The following TXNDC15 variants were observed in gnomAD, a reference collection of about 807,000 sequenced individuals.
The protein encoded by TXNDC15 is thioredoxin domain containing 15.
A neutral mutation model predicts 35.0 loss-of-function variants in TXNDC15; 24 were observed. The ratio of observed to expected loss-of-function variants is 0.68; its 90% CI spans 0.50 to 0.96. TXNDC15 has a LOEUF of 0.96. TXNDC15 is among the 40% of genes least tolerant of loss of function. The pLI is 0.00. For missense variants in TXNDC15, 385 were observed against 453.3 expected (o/e 0.85, Z 1.37); for synonymous variants, 169 against 174.0 (o/e 0.97, Z 0.23).
At chr5:134,888,961 A>C (rs1206638400) in intron 2 of TXNDC15, among the ~76,000 whole-genome samples, 1 of 152,220 alleles carries the variant, frequency 6.6e-6, no homozygotes. Flanking sequence ...TTCAGAAAAC[A>C]GAAGGGTAGG....
chr5:134,874,875 C>G (rs1463678331), intron 1 of TXNDC15, among the ~76,000 whole-genome samples: 1 of 152,230 alleles, frequency 6.6e-6, no homozygotes, highest in African/African-American at 2.4e-5. Context: ...TATCAAATAC[C>G]GACATTGTTG....
chr5:134,875,468 C>G, intron 1 of TXNDC15: 1 of 442,452 alleles, frequency 2.3e-6, no homozygotes, highest in Non-Finnish European at 4.5e-6. Context: ...CAGTGCTTTA[C>G]GAGCATCATC....
intron 1 of TXNDC15, among the ~76,000 whole-genome samples, chr5:134,884,158 T>C (rs1436283980): frequency 7.0e-6 from 1 of 142,920 alleles, no homozygotes; most frequent in Non-Finnish European, 1.5e-5. Flanking sequence ...AGGTGGAGGC[T>C]GCAGTGAGCT....
At chr5:134,875,870 A>G (rs1343963847) in intron 1 of TXNDC15, among the ~76,000 whole-genome samples, 1 of 151,906 alleles carries the variant, frequency 6.6e-6, no homozygotes, top group Non-Finnish European at 1.5e-5. Flanking sequence ...ATGGTCCACC[A>G]TGTTGGCCAC....
chr5:134,890,434 G>A (rs1281779218), intron 2 of TXNDC15, among the ~76,000 whole-genome samples: 3 of 147,390 alleles, frequency 2.0e-5, no homozygotes, highest in Admixed American at 6.8e-5. Context: ...TTGAGATGGA[G>A]TCTCACTCTG....
chr5:134,897,257 T>G (rs1750508369), intron 4 of TXNDC15, among the ~76,000 whole-genome samples: 1 of 151,370 alleles, frequency 6.6e-6, no homozygotes, highest in Non-Finnish European at 1.5e-5. Flanking sequence ...CTTTATTGTT[T>G]GATTGACTGA....
intron 4 of TXNDC15, 119 bp from the exon 5 acceptor site, chr5:134,899,370 C>T (rs1205045421): frequency 2.6e-6 from 2 of 764,702 alleles, no homozygotes; most frequent in Non-Finnish European, 2.1e-6. Flanking sequence ...TATATATATA[C>T]TAGTGGCAAT....
At chr5:134,893,234 G>A (rs1455637448) in intron 2 of TXNDC15, 3 of 397,328 alleles carry the variant, frequency 7.6e-6, no homozygotes, top group Non-Finnish European at 1.4e-5. Context: ...AAAGCGCAGA[G>A]GAAAGTTTAA....
chr5:134,893,767 C>G lies in TXNDC15; in HGVS notation c.755+112C>G, dbSNP rs893362326. 10 of 1,413,360 alleles carry G rather than the reference C, an allele frequency of 7.1e-6. No individual in the cohort carries two copies. In the Admixed American group the frequency reaches 1.3e-4, roughly 18 times the overall value. The allele number at this position is 1,413,360 out of a possible 1,614,324, so 87.6% of individuals were successfully genotyped here. ...GAAGAGGGGGGGCATGAACTGTGTCCTGGGATGGAAGGCAAGGCAAGAGTG... is the reference window on the plus strand; with the variant it reads ...GAAGAGGGGGGGCATGAACTGTGTCGTGGGATGGAAGGCAAGGCAAGAGTG... On this transcript the variant is annotated intron_variant, in intron 3 of 4. Transcript: ENST00000358387.
chr5:134,893,123 A>C (rs1750420828), intron 2 of TXNDC15: 1 of 159,886 alleles, frequency 6.3e-6, no homozygotes. Context: ...AAAAAATGCA[A>C]TGTCAGCAAA....
At chr5:134,881,706 A>G in intron 1 of TXNDC15, among the ~76,000 whole-genome samples, 1 of 145,936 alleles carries the variant, frequency 6.9e-6, no homozygotes, top group Admixed American at 6.8e-5. Flanking sequence ...TGTTGGGTAC[A>G]CCTCCCAGAC....
intron 1 of TXNDC15, among the ~76,000 whole-genome samples, chr5:134,880,757 CT>C (rs933052155): frequency 1.9e-4 from 29 of 150,908 alleles, no homozygotes; most frequent in African/African-American, 6.6e-4. Context: ...TCATTTTTTT[CT>C]TTTTTTTTGA....
intron 3 of TXNDC15, chr5:134,895,952 T>A (rs1369868528): frequency 5.4e-6 from 1 of 184,332 alleles, no homozygotes; most frequent in African/African-American, 2.4e-5. Flanking sequence ...TTGGAAATTT[T>A]TTCTGTCAAA....
chr5:134,893,574 G>A lies in TXNDC15; in HGVS notation c.674G>A (p.Ser225Asn). ...ACCCCGTGGTGCCGCTTTTCTGCCA[G>A]TTTGGCCCCTCACTTTAACTCTCTG... Reference protein sequence around the residue: ...FYTPWCRFSASLAPHFNSLPR... With the variant: ...FYTPWCRFSANLAPHFNSLPR... The change falls in exon 3 of 5, where the codon AGT (serine) becomes AAT (asparagine). Residue 225 changes from serine (S) to asparagine (N), a missense_variant. Physicochemically the swap from Ser to Asn is conservative, Grantham distance 46. Transcript: ENST00000358387. 2 of 1,614,174 alleles carry A rather than the reference G, an allele frequency of 1.2e-6. No homozygotes were observed. The highest frequency in any genetic ancestry group is 8.5e-7 in the Non-Finnish European group (1 of 1,180,036).
chr5:134,891,165 A>G (rs1580865954), intron 2 of TXNDC15, among the ~76,000 whole-genome samples: 1 of 152,184 alleles, frequency 6.6e-6, no homozygotes, highest in South Asian at 2.1e-4. Context: ...TATTTTGACC[A>G]CCTGCCATGA....
At chr5:134,898,395 C>G (rs953769620) in intron 4 of TXNDC15, among the ~76,000 whole-genome samples, 2 of 152,184 alleles carry the variant, frequency 1.3e-5, no homozygotes, top group Non-Finnish European at 2.9e-5. Flanking sequence ...AAAATTACCT[C>G]CATTGGAAAA....
In TXNDC15 at chr5:134,887,997, G is replaced by T. The variant is rs1468669971; in HGVS notation, c.406G>T (p.Ala136Ser). 1.9e-6 allele frequency: 3 copies of T among 1,614,232 alleles called. No homozygotes were observed. The highest frequency in any genetic ancestry group is 2.5e-6 in the Non-Finnish European group (3 of 1,180,048). ...VRESLFSLDG[A>S]GAHFPDREEE... ...AGAGAGCCTTTTCTCTCTGGATGGC[G>T]CTGGAGCACACTTCCCTGACAGAGA... The change falls in exon 2 of 5, where the codon GCT becomes TCT. Residue 136 changes from alanine (A) to serine (S), a missense_variant. Ala to Ser is a moderately conservative substitution (Grantham distance 99). Transcript: ENST00000358387.
chr5:134,881,966 G>C (rs1423574681), intron 1 of TXNDC15, among the ~76,000 whole-genome samples: 1 of 150,472 alleles, frequency 6.6e-6, no homozygotes, highest in East Asian at 2.0e-4. Context: ...CCTCCCTCCC[G>C]GACGGGGTGG....
intron 1 of TXNDC15, among the ~76,000 whole-genome samples, chr5:134,885,156 A>AG (rs1750251660): frequency 6.6e-6 from 1 of 152,142 alleles, no homozygotes; most frequent in Non-Finnish European, 1.5e-5. Context: ...TTCTGACCTC[A>AG]GGTGATCCAC....
Sources: allele counts gnomAD v4.1 joint callset (sites outside exome capture counted in the v4.1 genomes callset), GRCh38; gene constraint gnomAD v4.1.1; transcripts MANE v1.5; gene names NCBI Gene and HGNC (gene_info 2026-07-23, HGNC 2026-07-21).